Variants in ZKSCAN8 observed in about 807,000 individuals in gnomAD.
ZKSCAN8 encodes zinc finger protein with KRAB and SCAN domains 8.
ZKSCAN8 carries 27 observed loss-of-function variants against 57.2 expected under a neutral mutation model. The observed-to-expected ratio is 0.47, with a 90% CI of 0.35 to 0.65. ZKSCAN8 has a LOEUF of 0.65. ZKSCAN8 is among the 30% of genes least tolerant of loss of function. The pLI is 0.01. For synonymous variants in ZKSCAN8, 214 were observed against 248.7 expected, an observed-to-expected ratio of 0.86 and a Z score of 1.31; for missense variants, 597 against 696.3, an observed-to-expected ratio of 0.86 and a Z score of 1.60.
intron 2 of ZKSCAN8, among the ~76,000 whole-genome samples, 196 bp downstream of exon 2, chr6:28,149,020 G>A (rs985088691): frequency 3.3e-5 from 5 of 152,082 alleles, no homozygotes; most frequent in African/African-American, 9.7e-5. Context: ...TGTTTTTGTC[G>A]TCATAACATC....
rs759783336 is a variant in ZKSCAN8, at chr6:28,151,944, G to C, written c.651+8G>C. On this transcript the variant is annotated splice_region_variant and intron_variant, in intron 4 of 5. Transcript: ENST00000330236. Reference sequence around the variant, plus strand: ...CTCACAGCAGGGTTCCAGGTGAGTTGTGCTCCTTCTCACTGAAACGCCATA... The same window carrying C: ...CTCACAGCAGGGTTCCAGGTGAGTTCTGCTCCTTCTCACTGAAACGCCATA... 2.5e-6 allele frequency: 4 copies of C among 1,613,748 alleles called. No individual in the cohort carries two copies. In the Admixed American group the frequency reaches 5.0e-5, roughly 20 times the overall value.
At chr6:28,148,942 G>A (rs1765496950) in intron 2 of ZKSCAN8, 118 bp downstream of exon 2, 3 of 1,199,428 alleles carry the variant, frequency 2.5e-6, no homozygotes, top group Admixed American at 5.4e-5. Context: ...GGATAAGGAT[G>A]ACAATAGTTT....
chr6:28,152,827 G>A (rs1765636433), intron 5 of ZKSCAN8, among the ~76,000 whole-genome samples: 1 of 151,756 alleles, frequency 6.6e-6, no homozygotes, highest in Non-Finnish European at 1.5e-5. Flanking sequence ...CCTGACTTTA[G>A]TTCCCCTTCC....
chr6:28,148,365 A>C lies in ZKSCAN8; in HGVS notation c.-43A>C, dbSNP rs900343526. ...AGAAGAGTCTTCTCTTAAGAAGATA[A>C]AGAAGGTAGTGGAAACGAACTTCCT... On this transcript the variant is annotated 5_prime_UTR_variant, in exon 2 of 6. Coordinates refer to ENST00000330236, the MANE Select transcript of ZKSCAN8 (RefSeq NM_006298.4). 1.3e-6 allele frequency: 2 copies of C among 1,570,770 alleles called. No homozygotes were observed. Among genetic ancestry groups the C allele is most frequent in the African/African-American group, 2.7e-5 (2 of 72,896 alleles).
chr6:28,144,292 T>C lies in ZKSCAN8; in HGVS notation c.-93+2263T>C, dbSNP rs528448997. On this transcript the variant is annotated intron_variant, in intron 1 of 5. Transcript: ENST00000330236. The surrounding 1 kb of genome is among the most constrained non-coding windows in gnomAD (Gnocchi z 4.5). ...AATTGAGTATACAATTTTGTATCTG[T>C]GGACATTTTGCTGGAAAGAAGTTCT... The C allele has an allele frequency of 1.3e-5, 2 of 152,346 alleles. No homozygotes were observed. Among genetic ancestry groups the C allele is most frequent in the Admixed American group, 1.3e-4 (2 of 15,304 alleles). 9.4% of individuals were successfully genotyped at this position (152,346 alleles called of 1,614,324 possible). A position where few individuals can be genotyped will look rare whatever the true frequency, so the allele number is the denominator to read the frequency against.
rs750311646 is a variant in ZKSCAN8 at position 28,159,436 on chromosome 6, C to A, written c.*5419C>A. 1 of 152,122 alleles carries A rather than the reference C, an allele frequency of 6.6e-6. No individual in the cohort carries two copies. The highest frequency in any genetic ancestry group is 1.5e-5 in the Non-Finnish European group (1 of 68,024). 9.4% of individuals were successfully genotyped at this position (152,122 alleles called of 1,614,324 possible). ...AGTATAGTGCTGAGCACATAGTAGG[C>A]GTTTAATAAATGCTTGTTGAAGTAT... is the stretch of plus-strand genomic sequence containing the variant. On this transcript the variant is annotated 3_prime_UTR_variant, in exon 6 of 6. Coordinates refer to ENST00000330236, the MANE Select transcript of ZKSCAN8 (RefSeq NM_006298.4).
In ZKSCAN8 at chr6:28,153,295, C is replaced by T. The variant is rs766590475; in HGVS notation, c.1015C>T (p.Arg339Cys). The T allele has an allele frequency of 4.3e-5, 70 of 1,614,052 alleles. No homozygotes were observed. The highest frequency in any genetic ancestry group is 1.6e-4 in the Middle Eastern group (1 of 6,084). The change falls in exon 6 of 6, where the codon CGC becomes TGC. Residue 339 changes from arginine (R) to cysteine (C), a missense_variant. Arg to Cys is a radical substitution (Grantham distance 180, BLOSUM62 -3). Transcript: ENST00000330236. ...KSFAQSSGLV[R>C]HWRIHTGEKP... is the part of the protein sequence containing the mutation. The stretch of plus-strand genomic sequence containing the variant: ...CTTTGCTCAGAGCTCAGGCCTTGTT[C>T]GCCACTGGAGAATCCACACTGGGGA...
rs1765772080 is a variant in ZKSCAN8, at chr6:28,156,121, A to G, written c.*2104A>G. The G allele has an allele frequency of 2.5e-6, 1 of 398,418 alleles. No homozygotes were observed. The highest frequency in any genetic ancestry group is 3.6e-5 in the East Asian group (1 of 28,052). The allele number at this position is 398,418 out of a possible 1,614,324, so 24.7% of individuals were successfully genotyped here. ...ATTACCTTGTATGCAAATATTACAT[A>G]TGATGGGTGCATTGTCAGAGGGAAA... On this transcript the variant is annotated 3_prime_UTR_variant, in exon 6 of 6. Transcript: ENST00000330236.
rs1305456571 is a variant in ZKSCAN8 at position 28,155,940 on chromosome 6, C to T, written c.*1923C>T. The T allele has an allele frequency of 7.7e-6, 3 of 391,446 alleles. No individual in the cohort carries two copies. The highest frequency in any genetic ancestry group is 1.4e-5 in the Non-Finnish European group (3 of 221,734). 24.2% of individuals were successfully genotyped at this position (391,446 alleles called of 1,614,324 possible). A position where few individuals can be genotyped will look rare whatever the true frequency, so the allele number is the denominator to read the frequency against. ...CCTTTATTTTCTTATCCTCCCTTCTCTTGTTTCTTTTATTTATAAGTTACC... is the reference window on the plus strand; with the variant it reads ...CCTTTATTTTCTTATCCTCCCTTCTTTTGTTTCTTTTATTTATAAGTTACC... On this transcript the variant is annotated 3_prime_UTR_variant, in exon 6 of 6. Transcript: ENST00000330236.
intron 3 of ZKSCAN8, among the ~76,000 whole-genome samples, chr6:28,150,952 GCACGCCAC>G (rs942243003): frequency 1.3e-5 from 2 of 152,008 alleles, no homozygotes; most frequent in African/African-American, 4.8e-5. Flanking sequence ...GATTACAGGT[GCACGCCAC>G]CATGCCTGGC....
Position 28,153,313 on chromosome 6 carries a change from A to T in ZKSCAN8, c.1033A>T (p.Thr345Ser). ...CCTTGTTCGCCACTGGAGAATCCACACTGGGGAGAAACCCTATCAGTGTAA... is the reference window on the plus strand; with the variant it reads ...CCTTGTTCGCCACTGGAGAATCCACTCTGGGGAGAAACCCTATCAGTGTAA... The part of the protein sequence containing the change: ...SGLVRHWRIH[T>S]GEKPYQCNVC... The change falls in exon 6 of 6, where the codon ACT becomes TCT. Residue 345 changes from threonine (T) to serine (S), a missense_variant. Transcript: ENST00000330236. 6.2e-7 allele frequency: 1 copy of T among 1,614,230 alleles called. No individual in the cohort carries two copies. The highest frequency in any genetic ancestry group is 1.1e-5 in the South Asian group (1 of 91,088).
At position 28,159,409 on chromosome 6, in the gene ZKSCAN8, C is replaced by G. The variant is rs763728179; in HGVS notation, c.*5392C>G. 1 of 152,174 alleles carries G rather than the reference C, an allele frequency of 6.6e-6. No individual in the cohort carries two copies. Among genetic ancestry groups the G allele is most frequent in the African/African-American group, 2.4e-5 (1 of 41,438 alleles). The allele number at this position is 152,174 out of a possible 1,614,324, so 9.4% of individuals were successfully genotyped here. A position where few individuals can be genotyped will look rare whatever the true frequency, so the allele number is the denominator to read the frequency against. ...TTTGTATCTCTGCACCCCCGAGTGC[C>G]TAGTATAGTGCTGAGCACATAGTAG... On this transcript the variant is annotated 3_prime_UTR_variant, in exon 6 of 6. Coordinates refer to ENST00000330236, the MANE Select transcript of ZKSCAN8 (RefSeq NM_006298.4).
intron 5 of ZKSCAN8, among the ~76,000 whole-genome samples, chr6:28,152,669 A>G (rs1018649831): frequency 6.6e-6 from 1 of 152,026 alleles, no homozygotes; most frequent in Non-Finnish European, 1.5e-5. Context: ...TTGTCATGGG[A>G]TTCCTACATA....
intron 5 of ZKSCAN8, among the ~76,000 whole-genome samples, chr6:28,152,642 T>G (rs565429055): frequency 2.6e-5 from 4 of 152,338 alleles, no homozygotes; most frequent in African/African-American, 9.6e-5. Flanking sequence ...TCTGAGTTCA[T>G]ATATTTCTTC....
At position 28,158,325 on chromosome 6, in the gene ZKSCAN8, T is replaced by G. The variant is rs1403824494; in HGVS notation, c.*4308T>G. On this transcript the variant is annotated 3_prime_UTR_variant, in exon 6 of 6. Transcript: ENST00000330236. ...TTTTCTATACTCCTATTTATCCATT[T>G]TGATTGTTTATACCTACTATTTGTA... 1.3e-5 allele frequency: 2 copies of G among 152,176 alleles called. No individual in the cohort carries two copies. Among genetic ancestry groups the G allele is most frequent in the Non-Finnish European group, 2.9e-5 (2 of 68,038 alleles). 9.4% of individuals were successfully genotyped at this position (152,176 alleles called of 1,614,324 possible).
In ZKSCAN8 at chr6:28,144,005, C is replaced by T. The variant is rs544784131; in HGVS notation, c.-93+1976C>T. ...ATCTCACTATTCTAGCAAATTCCTC[C>T]ACTTTCCTGTAAAGTCATAATCAAT... On this transcript the variant is annotated intron_variant, in intron 1 of 5. Coordinates refer to ENST00000330236, the MANE Select transcript of ZKSCAN8 (RefSeq NM_006298.4). This position sits in a 1 kb window ranked among gnomAD's most constrained non-coding sequence, Gnocchi z 4.5. Among the ~76,000 whole-genome samples the T allele has an allele frequency of 5.9e-5, 9 of 152,304 alleles. No individual in the cohort carries two copies. The highest frequency in any genetic ancestry group is 2.9e-5 in the Non-Finnish European group (2 of 68,020).
chr6:28,144,125 G>A lies in ZKSCAN8; in HGVS notation c.-93+2096G>A, dbSNP rs1164594672. Among the ~76,000 whole-genome samples, 3 of 151,976 alleles carry A rather than the reference G, an allele frequency of 2.0e-5. No homozygotes were observed. Among genetic ancestry groups the A allele is most frequent in the African/African-American group, 7.3e-5 (3 of 41,350 alleles). ...GTTTACTCTCCACCCTGTTGTTCCCGGCCTTGTCTAACTTGAAAAATAATT... is the reference window on the plus strand; with the variant it reads ...GTTTACTCTCCACCCTGTTGTTCCCAGCCTTGTCTAACTTGAAAAATAATT... On this transcript the variant is annotated intron_variant, in intron 1 of 5. Coordinates refer to ENST00000330236, the MANE Select transcript of ZKSCAN8 (RefSeq NM_006298.4). The surrounding 1 kb of genome is among the most constrained non-coding windows in gnomAD (Gnocchi z 4.5).
intron 3 of ZKSCAN8, among the ~76,000 whole-genome samples, chr6:28,150,026 C>CAA (rs34205915): frequency 0.3 from 45,328 of 151,700 alleles, 7,003 homozygotes; most frequent in African/African-American, 0.38. Flanking sequence ...TTTCCTCAGA[C>CAA]GAGCATTTCT....
At position 28,156,466 on chromosome 6, in the gene ZKSCAN8, T is replaced by C. The variant is rs1765785887; in HGVS notation, c.*2449T>C. ...AGAAAAATTAGTGTTATATTGGGTG[T>C]GAGAAAAGACTGTGTCTTGAAAGAA... On this transcript the variant is annotated 3_prime_UTR_variant, in exon 6 of 6. Transcript: ENST00000330236. 1 of 354,066 alleles carries C rather than the reference T, an allele frequency of 2.8e-6. No homozygotes were observed. The highest frequency in any genetic ancestry group is 5.0e-6 in the Non-Finnish European group (1 of 198,024). 21.9% of individuals were successfully genotyped at this position (354,066 alleles called of 1,614,324 possible).
Sources: allele counts gnomAD v4.1 joint callset (sites outside exome capture counted in the v4.1 genomes callset), GRCh38; gene constraint gnomAD v4.1.1; non-coding constraint Gnocchi (gnomAD v3.1); transcripts MANE v1.5; gene names NCBI Gene and HGNC (gene_info 2026-07-23, HGNC 2026-07-21).